Variants in CSMD2 observed in about 807,000 individuals in gnomAD.
CSMD2 encodes the protein CUB and Sushi multiple domains 2, also known as CUB and sushi domain-containing protein 2.
Under a neutral mutation model 398.5 loss-of-function variants are expected in CSMD2, and 130 were observed. That is an observed-to-expected ratio of 0.33 (90% CI 0.28 to 0.38). The LOEUF is 0.38. Ranked by LOEUF, CSMD2 falls within the 10% of genes least tolerant of loss-of-function variation. CSMD2 has a pLI of 1.00. For missense variants in CSMD2, 3,829 were observed against 4,764.9 expected (o/e 0.80, Z 5.78); for synonymous variants, 1,828 against 1,908.5 (o/e 0.96, Z 1.10).
chr1:33,880,415 A>C (rs1425023795), intron 5 of CSMD2, among the ~76,000 whole-genome samples: 1 of 152,098 alleles, frequency 6.6e-6, no homozygotes, highest in Non-Finnish European at 1.5e-5. Context: ...CATACCACCT[A>C]CTCTTTAATC....
At position 34,103,314 on chromosome 1, in the gene CSMD2, T is replaced by TTTTTC. The variant is rs1553316154; in HGVS notation, c.188-14122_188-14121insGAAAA. Among the ~76,000 whole-genome samples, 20 of 114,658 alleles carry TTTTTC rather than the reference T, an allele frequency of 1.7e-4. 6 individuals are homozygous for TTTTTC. The highest frequency in any genetic ancestry group is 4.7e-4 in the Admixed American group (4 of 8,574). The allele number at this position is 114,658 out of a possible 152,430, so 75.2% of individuals were successfully genotyped here. On this transcript the variant is annotated intron_variant, in intron 1 of 70. Coordinates refer to ENST00000373381, the MANE Select transcript of CSMD2 (RefSeq NM_001281956.2). ...CTTTTTTTTTTTTTTTTTTTTTCTTTCTGAGCCAGATTCTCGCTCTGTCAA... is the reference window on the plus strand; with the variant it reads ...CTTTTTTTTTTTTTTTTTTTTTCTTTTTTTCCTGAGCCAGATTCTCGCTCTGTCAA...
At chr1:34,004,034 C>G (rs944438550) in intron 3 of CSMD2, among the ~76,000 whole-genome samples, 2 of 152,218 alleles carry the variant, frequency 1.3e-5, no homozygotes, top group African/African-American at 4.8e-5. Context: ...ATATGACACC[C>G]CATCCCTTAG....
In CSMD2 at chr1:33,546,532, C is replaced by G. The variant is rs11810352; in HGVS notation, c.8918-313G>C. Among the ~76,000 whole-genome samples the G allele has an allele frequency of 4.7e-3, 721 of 152,282 alleles. 4 individuals are homozygous for G. Among genetic ancestry groups the G allele is most frequent in the African/African-American group, 0.016 (684 of 41,548 alleles). The stretch of plus-strand genomic sequence containing the variant: ...GGCCACAGGTCCTCCTTCTCCCCTT[C>G]CCCTCTTCTCTACAAACACCTGCTG... On this transcript the variant is annotated intron_variant, in intron 56 of 70. Transcript: ENST00000373381.
At chr1:33,870,822 G>A (rs2125143962) in intron 5 of CSMD2, 1 of 152,256 alleles carries the variant, frequency 6.6e-6, no homozygotes. Flanking sequence ...CTGATGTTAG[G>A]CTATGAAAGG....
chr1:33,823,694 A>C (rs1375420942), intron 7 of CSMD2, among the ~76,000 whole-genome samples: 3 of 152,190 alleles, frequency 2.0e-5, no homozygotes, highest in Non-Finnish European at 2.9e-5. Context: ...AGAACACAGG[A>C]GGCCAGCCAC....
In CSMD2 at chr1:33,939,345, G is replaced by A. The variant is rs138212075; in HGVS notation, c.518-3391C>T. Among the ~76,000 whole-genome samples, 249 of 152,278 alleles carry A rather than the reference G, an allele frequency of 1.6e-3. 1 individual carries two copies. In the Middle Eastern group the frequency reaches 0.02, roughly 12 times the overall value. ...TGGTGTTTCCCATAATCCTATGCAG[G>A]TGTCTTACAGCAGAGGCAATGACTG... is the stretch of plus-strand genomic sequence containing the variant. On this transcript the variant is annotated intron_variant, in intron 3 of 70. Coordinates refer to ENST00000373381, the MANE Select transcript of CSMD2 (RefSeq NM_001281956.2).
intron 29 of CSMD2, among the ~76,000 whole-genome samples, chr1:33,641,786 T>A (rs781218263): frequency 2.6e-5 from 4 of 152,192 alleles, no homozygotes; most frequent in Non-Finnish European, 4.4e-5. Context: ...TCCGTCGGTC[T>A]AGTTGTCACG....
chr1:34,130,061 T>G (rs1663175062), intron 1 of CSMD2, among the ~76,000 whole-genome samples: 1 of 152,124 alleles, frequency 6.6e-6, no homozygotes, highest in African/African-American at 2.4e-5. Flanking sequence ...TTCTCTCCCT[T>G]CCACTCCACC....
intron 25 of CSMD2, among the ~76,000 whole-genome samples, chr1:33,678,678 C>T (rs765035373): frequency 3.9e-5 from 6 of 152,062 alleles, no homozygotes; most frequent in African/African-American, 7.2e-5. Context: ...CTAAGCTGAC[C>T]GAGCTGCAAA....
intron 40 of CSMD2, among the ~76,000 whole-genome samples, chr1:33,611,890 A>G (rs996804393): frequency 6.6e-6 from 1 of 152,234 alleles, no homozygotes; most frequent in African/African-American, 2.4e-5. Flanking sequence ...GTTTACTGAT[A>G]AGATTTTTCA....
rs953199952 is a variant in CSMD2, at chr1:33,559,969, T to C, written c.8381-496A>G. Among the ~76,000 whole-genome samples, 3 of 152,224 alleles carry C rather than the reference T, an allele frequency of 2.0e-5. No individual in the cohort carries two copies. The highest frequency in any genetic ancestry group is 7.2e-5 in the African/African-American group (3 of 41,462). On this transcript the variant is annotated intron_variant, in intron 53 of 70. Transcript: ENST00000373381. This position sits in a 1 kb window ranked among gnomAD's most constrained non-coding sequence, Gnocchi z 4.0. ...AGGTAAACTGGGGAAGCAGAGCTGCTGTTTGGAGAGAACCCACTACCTCCA... is the reference window on the plus strand; with the variant it reads ...AGGTAAACTGGGGAAGCAGAGCTGCCGTTTGGAGAGAACCCACTACCTCCA...
chr1:34,011,563 T>C (rs1034475389), intron 3 of CSMD2, among the ~76,000 whole-genome samples: 3 of 152,180 alleles, frequency 2.0e-5, no homozygotes, highest in Non-Finnish European at 4.4e-5. Flanking sequence ...GAAAAGCCTA[T>C]AAGTGTATTC....
intron 64 of CSMD2, among the ~76,000 whole-genome samples, chr1:33,531,446 CAT>C (rs765141176): frequency 6.6e-6 from 1 of 152,164 alleles, no homozygotes; most frequent in Non-Finnish European, 1.5e-5. Context: ...AAATATTACA[CAT>C]AGAGTTACTG....
At chr1:33,988,840 A>C (rs1038296651) in intron 3 of CSMD2, among the ~76,000 whole-genome samples, 2 of 151,894 alleles carry the variant, frequency 1.3e-5, no homozygotes, top group African/African-American at 4.8e-5. Context: ...ACAACTGAAT[A>C]TTCACACAGG....
chr1:34,065,370 G>A (rs1238035978), intron 2 of CSMD2, among the ~76,000 whole-genome samples: 1 of 152,192 alleles, frequency 6.6e-6, no homozygotes, highest in Middle Eastern at 3.2e-3. Context: ...CATCAGGCAT[G>A]GGCTGGGGTC....
At chr1:34,011,359 T>C (rs1647299844) in intron 3 of CSMD2, among the ~76,000 whole-genome samples, 1 of 152,060 alleles carries the variant, frequency 6.6e-6, no homozygotes. Context: ...CGGAAATCAG[T>C]TTGGTAAACT....
At chr1:33,877,723 G>T (rs1214312015) in intron 5 of CSMD2, among the ~76,000 whole-genome samples, 1 of 152,086 alleles carries the variant, frequency 6.6e-6, no homozygotes, top group East Asian at 1.9e-4. Flanking sequence ...GCTCAAGGGG[G>T]CAAATTGAAA....
In CSMD2 at chr1:33,982,816, A is replaced by C. The variant is rs564820650; in HGVS notation, c.518-46862T>G. 4.6e-5 allele frequency among the ~76,000 whole-genome samples: 7 copies of C among 152,260 alleles called. No homozygotes were observed. The South Asian group carries it at 1.5e-3, about 32-fold the overall frequency. On this transcript the variant is annotated intron_variant, in intron 3 of 70. Coordinates refer to ENST00000373381, the MANE Select transcript of CSMD2 (RefSeq NM_001281956.2). ...CAGGGCACAGGGAGGGCTGGCAAAG[A>C]TGTGGGTGAAGGGGTAGGCAGAACC...
chr1:33,788,947 T>G (rs1653889461), intron 11 of CSMD2, among the ~76,000 whole-genome samples: 1 of 152,192 alleles, frequency 6.6e-6, no homozygotes, highest in Non-Finnish European at 1.5e-5. Flanking sequence ...ATCACAACTT[T>G]GACTCTCTAG....
Sources: gnomAD v4.1 joint callset for allele counts (sites outside exome capture counted in the v4.1 genomes callset) on GRCh38, gnomAD v4.1.1 for gene constraint, Gnocchi (gnomAD v3.1) non-coding constraint, MANE v1.5 for transcripts, NCBI Gene and HGNC (gene_info 2026-07-23, HGNC 2026-07-21) for gene names.